Variants in GRK5 observed in about 807,000 individuals in gnomAD.
GRK5 encodes g protein-coupled receptor kinase GRK5.
GRK5 carries 40 observed loss-of-function variants against 78.4 expected under a neutral mutation model. The ratio of observed to expected loss-of-function variants is 0.51; its 90% CI spans 0.40 to 0.66. The LOEUF (loss-of-function observed/expected upper bound fraction) is 0.66. GRK5 is among the 30% of genes least tolerant of loss of function. The pLI, the probability that GRK5 is intolerant of heterozygous loss-of-function variation, is 0.00. For synonymous variants in GRK5, 289 were observed against 296.8 expected, an observed-to-expected ratio of 0.97 and a Z score of 0.27; for missense variants, 598 against 759.9, an observed-to-expected ratio of 0.79 and a Z score of 2.50.
chr10:119,332,511 G>A (rs1427207729), intron 2 of GRK5, among the ~76,000 whole-genome samples: 1 of 152,196 alleles, frequency 6.6e-6, no homozygotes, highest in Non-Finnish European at 1.5e-5. Flanking sequence ...CAAGTCCCCG[G>A]CACTGCTGAC....
At position 119,431,655 on chromosome 10, in the gene GRK5, C is replaced by G; in HGVS notation, c.738+128C>G. 8.9e-7 allele frequency: 1 copy of G among 1,120,566 alleles called. No homozygotes were observed. Among genetic ancestry groups the G allele is most frequent in the Non-Finnish European group, 1.3e-6 (1 of 799,364 alleles). 69.4% of individuals were successfully genotyped at this position (1,120,566 alleles called of 1,614,324 possible). On this transcript the variant is annotated intron_variant, in intron 8 of 15. Coordinates refer to ENST00000392870, the MANE Select transcript of GRK5 (RefSeq NM_005308.3). This position sits in a 1 kb window ranked among gnomAD's most constrained non-coding sequence, Gnocchi z 4.8. ...CTGGGAAGGGGAATGCCAGTGGCAG[C>G]GCTGAGCTACAGAAAGGCCGCAAGA...
intron 12 of GRK5, 71 bp downstream of exon 12, chr10:119,443,823 C>T: frequency 7.6e-7 from 1 of 1,316,612 alleles, no homozygotes; most frequent in Non-Finnish European, 1.0e-6. Flanking sequence ...CCCAGTCTGT[C>T]CCCAGAACAG....
chr10:119,452,785 G>C lies in GRK5; in HGVS notation c.1519G>C (p.Val507Leu). ...DFYSKFSTGS[V>L]SIPWQNEMIE... is the part of the protein sequence containing the mutation. ...CTACTCCAAGTTCTCCACGGGCTCT[G>C]TGTCCATCCCATGGCAAAACGAGGT... is the stretch of plus-strand genomic sequence containing the variant. Residue 507 changes from valine to leucine, a missense_variant, in exon 14 of 16, where the codon GTG becomes CTG. Physicochemically the swap from Val to Leu is conservative, Grantham distance 32. Transcript: ENST00000392870. This position sits in a 1 kb window ranked among gnomAD's most constrained non-coding sequence, Gnocchi z 4.4. The C allele has an allele frequency of 6.2e-7, 1 of 1,606,396 alleles. No homozygotes were observed. Among genetic ancestry groups the C allele is most frequent in the Non-Finnish European group, 8.5e-7 (1 of 1,175,164 alleles).
chr10:119,400,085 T>TCAGA (rs1272971341), intron 4 of GRK5, among the ~76,000 whole-genome samples: 3 of 152,250 alleles, frequency 2.0e-5, no homozygotes, highest in African/African-American at 7.2e-5. Context: ...CTGCCTCTTG[T>TCAGA]CAGAGTCCGT....
At chr10:119,428,646 C>T (rs946707927) in intron 6 of GRK5, among the ~76,000 whole-genome samples, 1 of 152,186 alleles carries the variant, frequency 6.6e-6, no homozygotes. Context: ...CAGCCTTTGT[C>T]GGTGGTCACT....
At chr10:119,425,283 AC>A (rs1852655732) in intron 6 of GRK5, among the ~76,000 whole-genome samples, 198 bp downstream of exon 6, 2 of 130,756 alleles carry the variant, frequency 1.5e-5, no homozygotes, top group Non-Finnish European at 3.5e-5. Flanking sequence ...ACACACACAC[AC>A]ACACACACAC....
intron 4 of GRK5, among the ~76,000 whole-genome samples, chr10:119,400,950 G>T (rs759284291): frequency 3.9e-5 from 6 of 152,198 alleles, no homozygotes; most frequent in Non-Finnish European, 7.4e-5. Context: ...GATGAGGGCC[G>T]TGGGAAGGTC....
At chr10:119,326,926 A>G (rs1009260013) in intron 2 of GRK5, among the ~76,000 whole-genome samples, 1 of 152,256 alleles carries the variant, frequency 6.6e-6, no homozygotes, top group African/African-American at 2.4e-5. Flanking sequence ...ACTGAGGCAC[A>G]GAGTGGTTCT....
At chr10:119,284,445 C>G (rs1394959230) in intron 1 of GRK5, among the ~76,000 whole-genome samples, 1 of 152,152 alleles carries the variant, frequency 6.6e-6, no homozygotes, top group Non-Finnish European at 1.5e-5. Context: ...GCTATTTAAT[C>G]CGATATGTAC....
At chr10:119,381,021 A>G (rs1851702122) in intron 3 of GRK5, 94 bp downstream of exon 3, 2 of 798,380 alleles carry the variant, frequency 2.5e-6, no homozygotes, top group African/African-American at 3.4e-5. Flanking sequence ...GGGTTAGAAG[A>G]CTGAGGAATA....
At chr10:119,405,764 C>T (rs1193729708) in intron 4 of GRK5, among the ~76,000 whole-genome samples, 2 of 152,218 alleles carry the variant, frequency 1.3e-5, no homozygotes, top group Non-Finnish European at 2.9e-5. Flanking sequence ...ATGGCGCCTA[C>T]CTGTGCTTGT....
chr10:119,230,698 T>TGTG (rs1795452713), intron 1 of GRK5, among the ~76,000 whole-genome samples: 1 of 151,594 alleles, frequency 6.6e-6, no homozygotes, highest in Non-Finnish European at 1.5e-5. Flanking sequence ...ATTAGCCAGG[T>TGTG]GTGGTGGTGT....
At chr10:119,429,053 C>T (rs1377003869) in intron 6 of GRK5, among the ~76,000 whole-genome samples, 4 of 152,304 alleles carry the variant, frequency 2.6e-5, no homozygotes, top group African/African-American at 4.8e-5. Flanking sequence ...TCGAGGCAGG[C>T]GTGTGGCAGC....
At chr10:119,296,153 C>T (rs1029624044) in intron 1 of GRK5, among the ~76,000 whole-genome samples, 4 of 152,204 alleles carry the variant, frequency 2.6e-5, no homozygotes, top group Admixed American at 1.3e-4. Flanking sequence ...CCAGCATCCT[C>T]GACATATTGG....
chr10:119,393,166 C>T (rs1851914315), intron 3 of GRK5, among the ~76,000 whole-genome samples: 1 of 152,204 alleles, frequency 6.6e-6, no homozygotes, highest in African/African-American at 2.4e-5. Context: ...TGCGAAAAGC[C>T]CAGCTGGAGG....
intron 2 of GRK5, among the ~76,000 whole-genome samples, chr10:119,354,395 C>CTT (rs60146483): frequency 0.052 from 4,594 of 87,720 alleles, 197 homozygotes; most frequent in Non-Finnish European, 0.063. Context: ...CCTACATCTC[C>CTT]TTTTTTTTTT....
At chr10:119,409,357 G>C (rs1428719438) in intron 4 of GRK5, among the ~76,000 whole-genome samples, 1 of 152,198 alleles carries the variant, frequency 6.6e-6, no homozygotes, top group Non-Finnish European at 1.5e-5. Context: ...TCCTCACAGT[G>C]GGCCAGGGCA....
chr10:119,232,225 G>T (rs926414816), intron 1 of GRK5, among the ~76,000 whole-genome samples: 8 of 152,128 alleles, frequency 5.3e-5, no homozygotes. Flanking sequence ...AATAAACCAG[G>T]CACAGAAAGT....
chr10:119,334,915 C>T (rs1200063587), intron 2 of GRK5: 1 of 152,030 alleles, frequency 6.6e-6, no homozygotes, highest in East Asian at 1.9e-4. Flanking sequence ...CAGGGGAGAT[C>T]GAATTGCCTT....
Sources: gnomAD v4.1 joint callset for allele counts (sites outside exome capture counted in the v4.1 genomes callset) on GRCh38, gnomAD v4.1.1 for gene constraint, Gnocchi (gnomAD v3.1) non-coding constraint, MANE v1.5 for transcripts, NCBI Gene and HGNC (gene_info 2026-07-23, HGNC 2026-07-21) for gene names.